CMKLR2: variants seen among roughly 807,000 people sequenced by gnomAD.
The protein encoded by CMKLR2 is chemerin-like receptor 2.
CMKLR2 carries 18 observed loss-of-function variants against 23.0 expected under a neutral mutation model. The ratio of observed to expected loss-of-function variants is 0.78; its 90% CI spans 0.54 to 1.16. The LOEUF (loss-of-function observed/expected upper bound fraction) is 1.16. Ranked by LOEUF, CMKLR2 falls within the 50% of genes most tolerant of loss-of-function variation. The pLI is 0.00. For synonymous variants in CMKLR2, 158 were observed against 158.9 expected (o/e 0.99, Z 0.05); for missense variants, 401 against 412.7 (o/e 0.97, Z 0.25).
chr2:206,197,088 T>G (rs1576056454), intron 1 of CMKLR2, among the ~76,000 whole-genome samples: 1 of 152,242 alleles, frequency 6.6e-6, no homozygotes, highest in African/African-American at 2.4e-5. Context: ...TTTTGTATTT[T>G]TAGTAGAGAC....
At chr2:206,199,354 C>T (rs751459224) in intron 1 of CMKLR2, among the ~76,000 whole-genome samples, 1 of 152,036 alleles carries the variant, frequency 6.6e-6, no homozygotes, top group Non-Finnish European at 1.5e-5. Flanking sequence ...GAGCCAAGAT[C>T]GCACTACTGC....
intron 1 of CMKLR2, among the ~76,000 whole-genome samples, chr2:206,206,890 T>G (rs1023623722): frequency 2.6e-5 from 4 of 150,996 alleles, no homozygotes; most frequent in African/African-American, 9.7e-5. Context: ...ATCAAATCCA[T>G]TAGTTCCTGT....
chr2:206,191,823 A>T (rs1019688338), intron 1 of CMKLR2, among the ~76,000 whole-genome samples: 2 of 146,684 alleles, frequency 1.4e-5, no homozygotes, highest in Non-Finnish European at 3.0e-5. Context: ...GGCATGTGCC[A>T]CCATGCCCAA....
chr2:206,195,032 A>G (rs766537017), intron 1 of CMKLR2, among the ~76,000 whole-genome samples: 12 of 152,198 alleles, frequency 7.9e-5, no homozygotes, highest in Non-Finnish European at 1.3e-4. Flanking sequence ...CTGGGATTAC[A>G]GGCATGAGCC....
chr2:206,197,472 C>T (rs910846029), intron 1 of CMKLR2, among the ~76,000 whole-genome samples: 1 of 152,146 alleles, frequency 6.6e-6, no homozygotes, highest in Non-Finnish European at 1.5e-5. Context: ...GAAAATTAAA[C>T]AGGGAAAGAA....
intron 1 of CMKLR2, among the ~76,000 whole-genome samples, chr2:206,200,670 C>T (rs1163068010): frequency 6.6e-6 from 1 of 152,150 alleles, no homozygotes; most frequent in Non-Finnish European, 1.5e-5. Context: ...TGCTATGTTG[C>T]CCAGGCTGCA....
At chr2:206,189,480 G>C (rs1688683424) in intron 1 of CMKLR2, among the ~76,000 whole-genome samples, 5 of 151,872 alleles carry the variant, frequency 3.3e-5, no homozygotes, top group Admixed American at 3.3e-4. Context: ...ACTAAAAATA[G>C]AAAAATTAGG....
chr2:206,185,105 A>G (rs900635369), intron 1 of CMKLR2, among the ~76,000 whole-genome samples: 9 of 152,036 alleles, frequency 5.9e-5, no homozygotes, highest in Non-Finnish European at 1.5e-5. Context: ...CTCCTGCCTC[A>G]GCCTCCAAGT....
intron 1 of CMKLR2, among the ~76,000 whole-genome samples, chr2:206,182,250 A>G (rs1688439277): frequency 6.6e-6 from 1 of 152,160 alleles, no homozygotes; most frequent in African/African-American, 2.4e-5. Flanking sequence ...TTAGTAACTT[A>G]CTCAAGATCA....
chr2:206,203,727 G>GA (rs1689201284), intron 1 of CMKLR2: 1 of 152,190 alleles, frequency 6.6e-6, no homozygotes, highest in Non-Finnish European at 1.5e-5. Context: ...GCGAACTAAT[G>GA]AATGTGAGGG....
upstream of CMKLR2, among the ~76,000 whole-genome samples, chr2:206,215,938 A>G (rs1275232151): frequency 2.0e-5 from 3 of 152,180 alleles, no homozygotes; most frequent in Non-Finnish European, 4.4e-5. Context: ...GACTTCAAAT[A>G]CCATTATCTT....
At chr2:206,192,978 T>A (rs943089341) in intron 1 of CMKLR2, among the ~76,000 whole-genome samples, 15 of 152,210 alleles carry the variant, frequency 9.9e-5, no homozygotes, top group Non-Finnish European at 2.2e-4. Context: ...AAATAGTTGT[T>A]GTATTGTTTA....
chr2:206,196,593 T>C (rs1688930514), intron 1 of CMKLR2, among the ~76,000 whole-genome samples: 1 of 152,184 alleles, frequency 6.6e-6, no homozygotes. Context: ...AGAAAGCGAC[T>C]TTGATTCTTT....
chr2:206,179,055 C>CTTTTTTTT (rs71034421), intron 1 of CMKLR2, among the ~76,000 whole-genome samples: 3 of 49,318 alleles, frequency 6.1e-5, no homozygotes, highest in East Asian at 4.9e-4. Context: ...CTCCCTGTCC[C>CTTTTTTTT]TTTTTTTTTT....
chr2:206,208,817 T>C (rs1689433099), intron 1 of CMKLR2, among the ~76,000 whole-genome samples: 1 of 151,910 alleles, frequency 6.6e-6, no homozygotes, highest in Non-Finnish European at 1.5e-5. Context: ...ACTACAGGCA[T>C]GCACTACCAT....
upstream of CMKLR2, among the ~76,000 whole-genome samples, chr2:206,214,165 A>ATT (rs34307347): frequency 1.8e-4 from 12 of 64,940 alleles, no homozygotes; most frequent in South Asian, 6.3e-4. Context: ...TAAAGACTTG[A>ATT]TTTTTTTTTT....
intron 1 of CMKLR2, among the ~76,000 whole-genome samples, chr2:206,206,105 G>C (rs1205238204): frequency 6.6e-6 from 1 of 152,128 alleles, no homozygotes; most frequent in Non-Finnish European, 1.5e-5. Flanking sequence ...AGATCATAGA[G>C]AAACACCATA....
chr2:206,194,096 A>G (rs17288678), intron 1 of CMKLR2, among the ~76,000 whole-genome samples: 12,850 of 152,248 alleles, frequency 0.084, 692 homozygotes, highest in Admixed American at 0.19. Context: ...TGCAGAATAT[A>G]TTGAGATTGC....
intron 1 of CMKLR2, among the ~76,000 whole-genome samples, chr2:206,192,381 T>C (rs534562052): frequency 6.7e-6 from 1 of 149,764 alleles, no homozygotes; most frequent in Non-Finnish European, 1.5e-5. Flanking sequence ...CAATTATATT[T>C]TATTATTTTT....
Sources: gnomAD v4.1 joint callset for allele counts (sites outside exome capture counted in the v4.1 genomes callset) on GRCh38, gnomAD v4.1.1 for gene constraint, MANE v1.5 for transcripts, NCBI Gene and HGNC (gene_info 2026-07-23, HGNC 2026-07-21) for gene names.